CCSER1: variants seen among roughly 807,000 people sequenced by gnomAD.
The protein encoded by CCSER1 is coiled-coil serine rich protein 1.
A neutral mutation model predicts 82.0 loss-of-function variants in CCSER1; 41 were observed. The observed-to-expected ratio is 0.50, with a 90% CI of 0.39 to 0.65. The LOEUF (loss-of-function observed/expected upper bound fraction) is 0.65, where lower values mean the gene tolerates loss of function less well. Among genes scored for constraint, CCSER1 ranks in the 30% least tolerant of loss-of-function variants. The pLI, the probability that CCSER1 is intolerant of heterozygous loss-of-function variation, is 0.00. For synonymous variants in CCSER1, 414 were observed against 383.9 expected, an observed-to-expected ratio of 1.08 and a Z score of -0.92; for missense variants, 1,119 against 1,064.2, an observed-to-expected ratio of 1.05 and a Z score of -0.72.
intron 10 of CCSER1, among the ~76,000 whole-genome samples, chr4:91,348,948 C>T (rs1748263218): frequency 1.3e-5 from 2 of 151,926 alleles, no homozygotes; most frequent in African/African-American, 4.8e-5. Context: ...TCACTCTGCC[C>T]CCCAGGCTGG....
chr4:91,332,717 C>T (rs989024623), intron 10 of CCSER1, among the ~76,000 whole-genome samples: 5 of 151,994 alleles, frequency 3.3e-5, no homozygotes, highest in African/African-American at 1.2e-4. Flanking sequence ...AACTACAGGT[C>T]TGTGGAACGT....
intron 8 of CCSER1, among the ~76,000 whole-genome samples, chr4:90,866,421 A>G (rs1407163717): frequency 6.6e-6 from 1 of 152,076 alleles, no homozygotes; most frequent in East Asian, 1.9e-4. Flanking sequence ...GTGAAAGAAA[A>G]TTAAGATAGA....
intron 10 of CCSER1, among the ~76,000 whole-genome samples, chr4:91,236,821 G>A (rs535912825): frequency 6.6e-6 from 1 of 152,122 alleles, no homozygotes; most frequent in East Asian, 1.9e-4. Flanking sequence ...ACATTGGGAA[G>A]GTTTTGTGAA....
chr4:91,310,853 AT>A (rs376021636), intron 10 of CCSER1, among the ~76,000 whole-genome samples: 5 of 150,618 alleles, frequency 3.3e-5, no homozygotes, highest in Admixed American at 2.0e-4. Flanking sequence ...TTTTTTTGTG[AT>A]TTTTTTTTAG....
intron 10 of CCSER1, among the ~76,000 whole-genome samples, chr4:91,380,509 C>T (rs1419265656): frequency 6.6e-6 from 1 of 152,154 alleles, no homozygotes; most frequent in Non-Finnish European, 1.5e-5. Flanking sequence ...TAATGTCCTT[C>T]TTTGTCTCTT....
intron 10 of CCSER1, among the ~76,000 whole-genome samples, chr4:91,571,349 C>A (rs1246202409): frequency 1.3e-5 from 2 of 152,168 alleles, no homozygotes; most frequent in Non-Finnish European, 1.5e-5. Flanking sequence ...ATAGCAGCAC[C>A]CCACACTCTG....
At chr4:90,963,567 T>G (rs1734249125) in intron 9 of CCSER1, among the ~76,000 whole-genome samples, 1 of 152,094 alleles carries the variant, frequency 6.6e-6, no homozygotes, top group South Asian at 2.1e-4. Flanking sequence ...TAATCCAACA[T>G]GACTGGTGTC....
chr4:90,594,692 A>G (rs1174550817), intron 5 of CCSER1, among the ~76,000 whole-genome samples: 1 of 152,122 alleles, frequency 6.6e-6, no homozygotes, highest in Non-Finnish European at 1.5e-5. Flanking sequence ...CATCCTTGTG[A>G]ACAACATGTA....
intron 9 of CCSER1, among the ~76,000 whole-genome samples, chr4:91,032,925 G>A (rs1387884302): frequency 6.6e-6 from 1 of 152,150 alleles, no homozygotes; most frequent in African/African-American, 2.4e-5. Context: ...TCTAGAGCAA[G>A]ACTTCTTTGG....
intron 8 of CCSER1, among the ~76,000 whole-genome samples, chr4:90,816,102 C>T (rs1041081847): frequency 3.3e-5 from 5 of 152,070 alleles, no homozygotes; most frequent in Non-Finnish European, 7.4e-5. Context: ...TTAAACATTT[C>T]GGTTGTATCT....
At chr4:90,880,771 C>T (rs770198621) in intron 8 of CCSER1, among the ~76,000 whole-genome samples, 1 of 152,008 alleles carries the variant, frequency 6.6e-6, no homozygotes, top group Non-Finnish European at 1.5e-5. Flanking sequence ...CTCTAGTCAC[C>T]TCAGATTTTC....
Position 91,556,563 on chromosome 4 carries a change from G to C in CCSER1, c.2218-42009G>C, listed in dbSNP as rs181578703. 1.8e-3 allele frequency among the ~76,000 whole-genome samples: 269 copies of C among 150,796 alleles called. 2 individuals are homozygous for C. The highest frequency in any genetic ancestry group is 2.6e-3 in the Non-Finnish European group (177 of 67,360). ...AAAAAAAACCTTTGAATGAAAAAAG[G>C]CAAAAAAATGAGTGTTCAAAACTAT... is the stretch of plus-strand genomic sequence containing the variant. On this transcript the variant is annotated intron_variant, in intron 10 of 10. Transcript: ENST00000509176.
intron 7 of CCSER1, among the ~76,000 whole-genome samples, chr4:90,734,761 C>T (rs1745375938): frequency 6.6e-6 from 1 of 152,030 alleles, no homozygotes; most frequent in Non-Finnish European, 1.5e-5. Context: ...GTCATATGAC[C>T]TGCAAACAAG....
chr4:90,698,457 G>C (rs1304957632), intron 6 of CCSER1, among the ~76,000 whole-genome samples: 2 of 152,168 alleles, frequency 1.3e-5, no homozygotes, highest in Non-Finnish European at 2.9e-5. Context: ...AATCTGTAGT[G>C]CAATATAGAG....
intron 10 of CCSER1, among the ~76,000 whole-genome samples, chr4:91,302,285 G>A (rs945711003): frequency 4.6e-5 from 7 of 151,886 alleles, no homozygotes; most frequent in East Asian, 1.9e-4. Context: ...CTGTTTTCAC[G>A]CCAAGAGATC....
intron 10 of CCSER1, among the ~76,000 whole-genome samples, chr4:91,138,859 G>T (rs958002462): frequency 2.0e-5 from 3 of 152,090 alleles, no homozygotes; most frequent in Admixed American, 1.3e-4. Context: ...CTGGCCATCA[G>T]AAAAATTCTT....
chr4:91,087,047 G>A (rs1307946673), intron 10 of CCSER1, among the ~76,000 whole-genome samples: 3 of 152,066 alleles, frequency 2.0e-5, no homozygotes, highest in Non-Finnish European at 2.9e-5. Context: ...GGGAAAAAAG[G>A]CACTTCATAA....
chr4:90,651,690 A>T (rs1257647524), intron 6 of CCSER1, among the ~76,000 whole-genome samples: 4 of 35,942 alleles, frequency 1.1e-4, no homozygotes, highest in South Asian at 1.1e-3. Context: ...AGTATAATTA[A>T]AAAAAAAAAA....
intron 10 of CCSER1, among the ~76,000 whole-genome samples, chr4:91,408,434 C>T (rs1358437924): frequency 6.6e-6 from 1 of 152,152 alleles, no homozygotes; most frequent in Non-Finnish European, 1.5e-5. Flanking sequence ...TATCAGCCAG[C>T]CTTTTTATGA....
Sources: allele counts gnomAD v4.1 joint callset (sites outside exome capture counted in the v4.1 genomes callset), GRCh38; gene constraint gnomAD v4.1.1; transcripts MANE v1.5; gene names NCBI Gene and HGNC (gene_info 2026-07-23, HGNC 2026-07-21).